Variants in ABCG1 observed in about 807,000 individuals in gnomAD.
ABCG1 encodes the protein ATP binding cassette subfamily G member 1, also known as ATP-binding cassette sub-family G member 1.
ABCG1 carries 29 observed loss-of-function variants against 69.2 expected under a neutral mutation model. That is an observed-to-expected ratio of 0.42 (90% confidence interval 0.31 to 0.57). The LOEUF is 0.57. Ranked by LOEUF, ABCG1 falls within the 20% of genes least tolerant of loss-of-function variation. The pLI, the probability that ABCG1 is intolerant of heterozygous loss-of-function variation, is 0.15. For synonymous variants in ABCG1, 370 were observed against 374.8 expected, an observed-to-expected ratio of 0.99 and a Z score of 0.15; for missense variants, 718 against 898.1, an observed-to-expected ratio of 0.80 and a Z score of 2.56.
At chr21:42,258,774 G>A (rs538842065) in intron 2 of ABCG1, among the ~76,000 whole-genome samples, 1 of 152,208 alleles carries the variant, frequency 6.6e-6, no homozygotes, top group Non-Finnish European at 1.5e-5. Flanking sequence ...GATGAGGGCT[G>A]CCCCCTGCAG....
chr21:42,241,977 C>CAAAAAAAAAAAAAAAAA (rs35823612), intron 2 of ABCG1, among the ~76,000 whole-genome samples: 1 of 94,256 alleles, frequency 1.1e-5, no homozygotes, highest in African/African-American at 3.9e-5. Context: ...GACCCTGTCT[C>CAAAAAAAAAAAAAAAAA]AAAAAAAAAA....
intron 2 of ABCG1, among the ~76,000 whole-genome samples, chr21:42,262,679 C>A (rs1402233419): frequency 6.6e-6 from 1 of 152,226 alleles, no homozygotes. Flanking sequence ...CTGGCAAAGG[C>A]ACTCTTGGCC....
intron 5 of ABCG1, among the ~76,000 whole-genome samples, chr21:42,277,591 G>A (rs749657748): frequency 2.6e-5 from 4 of 152,138 alleles, no homozygotes; most frequent in African/African-American, 4.8e-5. Flanking sequence ...CACCCTCCAC[G>A]GGAAACCCAC....
At chr21:42,258,491 G>A (rs748839839) in intron 2 of ABCG1, among the ~76,000 whole-genome samples, 109 of 145,004 alleles carry the variant, frequency 7.5e-4, no homozygotes, top group Admixed American at 1.2e-3. Context: ...TCTCCATCCA[G>A]AGTTCACCAC....
chr21:42,284,430 A>G, intron 6 of ABCG1, 130 bp from the exon 7 acceptor site: 10 of 1,143,040 alleles, frequency 8.7e-6, no homozygotes, highest in Non-Finnish European at 1.2e-5. Flanking sequence ...CCGGCCTGGG[A>G]CGGGGCAGCT....
intron 2 of ABCG1, among the ~76,000 whole-genome samples, chr21:42,249,576 G>A (rs117676362): frequency 0.025 from 3,852 of 152,260 alleles, 78 homozygotes; most frequent in Middle Eastern, 0.051. Context: ...TAATGTATGC[G>A]AAAGCTTAGA....
intron 2 of ABCG1, among the ~76,000 whole-genome samples, chr21:42,211,065 T>G (rs1411204459): frequency 6.6e-6 from 1 of 151,578 alleles, no homozygotes; most frequent in Non-Finnish European, 1.5e-5. Flanking sequence ...GTTCATGCCA[T>G]TCTCCTGCCT....
chr21:42,226,877 T>C (rs2067825766), intron 2 of ABCG1, among the ~76,000 whole-genome samples: 1 of 152,232 alleles, frequency 6.6e-6, no homozygotes, highest in Non-Finnish European at 1.5e-5. Flanking sequence ...AATATGCTAA[T>C]ATTTTAGGAC....
chr21:42,246,464 AAG>A (rs1222637518), intron 2 of ABCG1, among the ~76,000 whole-genome samples: 1 of 152,246 alleles, frequency 6.6e-6, no homozygotes, highest in Non-Finnish European at 1.5e-5. Context: ...GGCTAAAAGA[AAG>A]AGATTCTCAG....
upstream of ABCG1, among the ~76,000 whole-genome samples, chr21:42,213,169 C>T (rs955119528): frequency 3.9e-5 from 6 of 152,260 alleles, no homozygotes; most frequent in Admixed American, 2.6e-4. Context: ...AAGACAGTGA[C>T]GGCATAACCC....
chr21:42,233,668 C>T (rs1006082460), intron 2 of ABCG1, among the ~76,000 whole-genome samples: 1 of 152,252 alleles, frequency 6.6e-6, no homozygotes, highest in Non-Finnish European at 1.5e-5. Context: ...CCAGAGCTAC[C>T]TTGAGAGGAG....
chr21:42,202,170 T>C lies in ABCG1; in HGVS notation c.48+447T>C, dbSNP rs1167355368. On this transcript the variant is annotated intron_variant, in intron 2 of 15. Coordinates refer to the ABCG1 transcript ENST00000398457. ...AGGTTTTGTTCCGGTTGGTCTGCTA[T>C]TGAGTATGGAGGCCAGGGTTCCACT... Among the ~76,000 whole-genome samples the C allele has an allele frequency of 3.9e-5, 6 of 152,280 alleles. No homozygotes were observed. The East Asian group carries it at 1.2e-3, about 29-fold the overall frequency.
At position 42,201,794 on chromosome 21, in the gene ABCG1, G is replaced by A. The variant is rs201533984; in HGVS notation, c.48+71G>A. The A allele has an allele frequency of 4.2e-5, 68 of 1,608,938 alleles. 1 individual carries two copies. Among genetic ancestry groups the A allele is most frequent in the African/African-American group, 9.3e-5 (7 of 74,906 alleles). On this transcript the variant is annotated intron_variant, in intron 2 of 15. Transcript: ENST00000398457. ...ATCCAGACTGGGCTTGTTTCAACTCGTTCCGTGGGCCTGATGTAGTCTAGA... is the reference window on the plus strand; with the variant it reads ...ATCCAGACTGGGCTTGTTTCAACTCATTCCGTGGGCCTGATGTAGTCTAGA...
intron 1 of ABCG1, among the ~76,000 whole-genome samples, chr21:42,201,148 C>T (rs1015680594): frequency 3.3e-5 from 5 of 152,136 alleles, no homozygotes; most frequent in South Asian, 2.1e-4. Flanking sequence ...GGTTTTGATA[C>T]GTGTCTGCAA....
intron 1 of ABCG1, chr21:42,201,490 G>A (rs2067505913): frequency 1.2e-6 from 1 of 851,642 alleles, no homozygotes; most frequent in South Asian, 1.7e-5. Context: ...CCCAGGGGTT[G>A]GGGACTTGTC....
At chr21:42,266,930 C>G (rs990722748) in intron 2 of ABCG1, among the ~76,000 whole-genome samples, 7 of 152,158 alleles carry the variant, frequency 4.6e-5, no homozygotes, top group African/African-American at 1.4e-4. Context: ...TTCTCGATGG[C>G]CCTCACCTCC....
chr21:42,296,743 G>A lies in ABCG1; in HGVS notation c.*351G>A, dbSNP rs1002619802. Reference sequence around the variant, plus strand: ...CAGTCGCTCCTTAGCACCAGGCACCGTGGGTCCTGGATGGGGAACTGCAAG... The same window carrying A: ...CAGTCGCTCCTTAGCACCAGGCACCATGGGTCCTGGATGGGGAACTGCAAG... On this transcript the variant is annotated 3_prime_UTR_variant, in exon 15 of 15. Transcript: ENST00000398449. The surrounding 1 kb of genome is among the most constrained non-coding windows in gnomAD (Gnocchi z 5.4). 9 of 319,052 alleles carry A rather than the reference G, an allele frequency of 2.8e-5. No individual in the cohort carries two copies. The highest frequency in any genetic ancestry group is 1.1e-4 in the African/African-American group (5 of 47,500). 19.8% of individuals were successfully genotyped at this position (319,052 alleles called of 1,614,324 possible).
At chr21:42,230,708 A>C (rs2067888486) in intron 2 of ABCG1, among the ~76,000 whole-genome samples, 1 of 152,260 alleles carries the variant, frequency 6.6e-6, no homozygotes, top group Admixed American at 6.5e-5. Context: ...CACAGTGAAC[A>C]AATGGAATGC....
chr21:42,271,242 G>T, intron 3 of ABCG1, 55 bp downstream of exon 3: 1 of 1,181,466 alleles, frequency 8.5e-7, no homozygotes, highest in South Asian at 1.7e-5. Flanking sequence ...GGCCAGCAGT[G>T]GGAACAGTGG....
Sources: gnomAD v4.1 joint callset for allele counts (sites outside exome capture counted in the v4.1 genomes callset) on GRCh38, gnomAD v4.1.1 for gene constraint, Gnocchi (gnomAD v3.1) non-coding constraint, MANE v1.5 for transcripts, NCBI Gene and HGNC (gene_info 2026-07-23, HGNC 2026-07-21) for gene names.